TOGARAM1: variants seen among roughly 807,000 people sequenced by gnomAD.
The protein encoded by TOGARAM1 is TOG array regulator of axonemal microtubules 1.
A neutral mutation model predicts 166.6 loss-of-function variants in TOGARAM1; 100 were observed. The ratio of observed to expected loss-of-function variants is 0.60; its 90% confidence interval spans 0.51 to 0.71. The LOEUF (loss-of-function observed/expected upper bound fraction) is 0.71, where lower values mean the gene tolerates loss of function less well. Ranked by LOEUF, TOGARAM1 falls within the 30% of genes least tolerant of loss-of-function variation. The pLI is 0.00. For synonymous variants in TOGARAM1, 758 were observed against 763.8 expected, an observed-to-expected ratio of 0.99 and a Z score of 0.13; for missense variants, 2,029 against 2,102.7, an observed-to-expected ratio of 0.96 and a Z score of 0.69.
rs1387808505 is a variant in TOGARAM1 at position 44,981,954 on chromosome 14, C to A, written c.2047-13792C>A. Among the ~76,000 whole-genome samples, 4 of 150,748 alleles carry A rather than the reference C, an allele frequency of 2.7e-5. No homozygotes were observed. In the Admixed American group the frequency reaches 2.7e-4, roughly 10 times the overall value. On this transcript the variant is annotated intron_variant, in intron 1 of 19. Transcript: ENST00000361462. Reference sequence around the variant, plus strand: ...CACCTCTCAGGTTCAAGTGATTCTCCTACCTAGCCTCCTGAATAGCTGGGA... The same window carrying A: ...CACCTCTCAGGTTCAAGTGATTCTCATACCTAGCCTCCTGAATAGCTGGGA...
intron 16 of TOGARAM1, among the ~76,000 whole-genome samples, chr14:45,065,576 T>C (rs896549359): frequency 1.3e-5 from 2 of 152,154 alleles, no homozygotes; most frequent in African/African-American, 4.8e-5. Flanking sequence ...CCACGAAAAA[T>C]ATTATGCTAT....
intron 3 of TOGARAM1, among the ~76,000 whole-genome samples, chr14:45,000,110 T>A (rs1390719487): frequency 6.6e-6 from 1 of 152,116 alleles, no homozygotes; most frequent in Non-Finnish European, 1.5e-5. Context: ...GCAATTCTCC[T>A]GTCTCAGCCT....
intron 5 of TOGARAM1, 58 bp from the exon 6 acceptor site, chr14:45,008,855 A>C: frequency 7.1e-7 from 1 of 1,405,408 alleles, no homozygotes; most frequent in South Asian, 1.4e-5. Context: ...TTTAAGGATA[A>C]CTTTTACCAA....
chr14:45,032,253 A>G lies in TOGARAM1; in HGVS notation c.3689A>G (p.Tyr1230Cys). 1 of 1,614,008 alleles carries G rather than the reference A, an allele frequency of 6.2e-7. No homozygotes were observed. The highest frequency in any genetic ancestry group is 8.5e-7 in the Non-Finnish European group (1 of 1,179,912). ...SETPTGAISQ[Y>C]KERMPSVTHS... ...ACACCTACTGGAGCTATTTCACAGTATAAAGAAAGGATGCCTTCTGTCACT... is the reference window on the plus strand; with the variant it reads ...ACACCTACTGGAGCTATTTCACAGTGTAAAGAAAGGATGCCTTCTGTCACT... The change falls in exon 11 of 20, where the codon TAT becomes TGT. Residue 1230 changes from tyrosine (Y) to cysteine (C), a missense_variant. This residue lies in a region of TOGARAM1 where 576 missense variants were observed against 670.5 expected (regional missense o/e 0.86). Transcript: ENST00000361462.
At chr14:45,007,133 G>A (rs1879496122) in intron 5 of TOGARAM1, 1 of 151,932 alleles carries the variant, frequency 6.6e-6, no homozygotes, top group South Asian at 2.1e-4. Context: ...TATGGTCTTA[G>A]TCTGTTTTTA....
intron 11 of TOGARAM1, among the ~76,000 whole-genome samples, chr14:45,041,450 A>G (rs1881722998): frequency 6.6e-6 from 1 of 152,190 alleles, no homozygotes; most frequent in South Asian, 2.1e-4. Flanking sequence ...TCAGTTTCTG[A>G]TAGTTTATCC....
Position 44,963,077 on chromosome 14 carries a change from T to C in TOGARAM1, c.656T>C (p.Ile219Thr), listed in dbSNP as rs1426882724. ...RSPGEVLRTL[I>T]QQGLESTDAR... ...CCTGGAGAGGTGCTGAGAACGCTTA[T>C]ACAACAAGGACTGGAAAGTACCGAT... Residue 219 changes from isoleucine to threonine, a missense_variant, in exon 1 of 20, where the codon ATA (isoleucine) becomes ACA (threonine). Coordinates refer to ENST00000361462, the MANE Select transcript of TOGARAM1 (RefSeq NM_001308120.2). 5 of 1,614,088 alleles carry C rather than the reference T, an allele frequency of 3.1e-6. No homozygotes were observed. The highest frequency in any genetic ancestry group is 1.1e-5 in the South Asian group (1 of 91,090).
At chr14:44,994,544 G>A (rs901803172) in intron 1 of TOGARAM1, among the ~76,000 whole-genome samples, 2 of 151,786 alleles carry the variant, frequency 1.3e-5, no homozygotes, top group Non-Finnish European at 2.9e-5. Flanking sequence ...TCAGCCTCCC[G>A]ATTAGTTGGG....
At chr14:44,983,498 C>T (rs1886635766) in intron 1 of TOGARAM1, among the ~76,000 whole-genome samples, 1 of 152,150 alleles carries the variant, frequency 6.6e-6, no homozygotes, top group African/African-American at 2.4e-5. Flanking sequence ...GCCTATATGT[C>T]AAATAAGCTC....
chr14:45,009,891 G>A (rs1005456454), intron 6 of TOGARAM1, among the ~76,000 whole-genome samples: 4 of 152,140 alleles, frequency 2.6e-5, no homozygotes, highest in South Asian at 4.1e-4. Flanking sequence ...AGAATTGATA[G>A]GGCATAGAAT....
At chr14:45,046,351 A>C (rs569437675) in intron 13 of TOGARAM1, among the ~76,000 whole-genome samples, 194 bp from the exon 14 acceptor site, 2 of 152,280 alleles carry the variant, frequency 1.3e-5, no homozygotes, top group South Asian at 4.1e-4. Flanking sequence ...CAGGAGGATC[A>C]CTTGAACCCA....
intron 9 of TOGARAM1, among the ~76,000 whole-genome samples, chr14:45,027,873 A>G (rs1880945243): frequency 6.6e-6 from 1 of 151,240 alleles, no homozygotes; most frequent in Non-Finnish European, 1.5e-5. Flanking sequence ...AACTGTCTCA[A>G]GAAAAAAAAA....
Position 45,068,597 on chromosome 14 carries a change from C to A in TOGARAM1, c.4923C>A (p.Ile1641=). 1 of 1,612,966 alleles carries A rather than the reference C, an allele frequency of 6.2e-7. No individual in the cohort carries two copies. Among genetic ancestry groups the A allele is most frequent in the Non-Finnish European group, 8.5e-7 (1 of 1,179,454 alleles). Residue 1641 remains isoleucine (I), a synonymous_variant, in exon 18 of 20, where the codon ATC becomes ATA. Coordinates refer to ENST00000361462, the MANE Select transcript of TOGARAM1 (RefSeq NM_001308120.2). ...ATCTGAATTCCAAGAATCCAGGCATCTATGCGGCTGCTACAAATGTTGTTC... is the reference window on the plus strand; with the variant it reads ...ATCTGAATTCCAAGAATCCAGGCATATATGCGGCTGCTACAAATGTTGTTC... The part of the protein sequence containing the change: ...DNNLNSKNPG[I]YAAATNVVQA...
rs1282400710 is a variant in TOGARAM1 at position 45,054,549 on chromosome 14, G to T, written c.4559G>T (p.Arg1520Ile). The change falls in exon 16 of 20, where the codon AGA (arginine) becomes ATA (isoleucine). Residue 1520 changes from arginine (R) to isoleucine (I), a missense_variant and splice_region_variant. Transcript: ENST00000361462. ...VSRDAFNSAE[R>I]AVTEVREVTR... is the part of the protein sequence containing the mutation. Reference sequence around the variant, plus strand: ...AGAGATGCTTTCAATTCAGCTGAAAGGTAAGATGATGTAATAGTCCTCATC... The same window carrying T: ...AGAGATGCTTTCAATTCAGCTGAAATGTAAGATGATGTAATAGTCCTCATC... The T allele has an allele frequency of 6.3e-7, 1 of 1,588,646 alleles. No homozygotes were observed. The highest frequency in any genetic ancestry group is 8.6e-7 in the Non-Finnish European group (1 of 1,158,104).
chr14:45,057,854 C>T (rs1882714509), intron 16 of TOGARAM1, among the ~76,000 whole-genome samples: 1 of 152,034 alleles, frequency 6.6e-6, no homozygotes, highest in African/African-American at 2.4e-5. Context: ...TATTATGTGA[C>T]CTAATATATG....
chr14:44,967,509 A>G (rs1885624293), intron 1 of TOGARAM1, among the ~76,000 whole-genome samples: 1 of 152,178 alleles, frequency 6.6e-6, no homozygotes, highest in Non-Finnish European at 1.5e-5. Flanking sequence ...TCTTTTATCT[A>G]TGTAATTATT....
chr14:44,973,275 C>A (rs901381896), intron 1 of TOGARAM1, among the ~76,000 whole-genome samples: 3 of 151,228 alleles, frequency 2.0e-5, no homozygotes, highest in Admixed American at 6.6e-5. Flanking sequence ...TAGTAGTTTC[C>A]CTAGAGTGTG....
intron 1 of TOGARAM1, among the ~76,000 whole-genome samples, chr14:44,969,173 T>TTTCTTTTC (rs544693959): frequency 0.12 from 15,053 of 129,512 alleles, 1,251 homozygotes; most frequent in African/African-American, 0.28. Flanking sequence ...CTTTCTTTTC[T>TTTCTTTTC]TTTTTTTTTT....
At chr14:45,023,799 G>A (rs1880667636) in intron 7 of TOGARAM1, among the ~76,000 whole-genome samples, 1 of 152,012 alleles carries the variant, frequency 6.6e-6, no homozygotes. Flanking sequence ...GTAGTGCAGT[G>A]GTGCAATCTC....
Sources: gnomAD v4.1 joint callset for allele counts (sites outside exome capture counted in the v4.1 genomes callset) on GRCh38, gnomAD v4.1.1 for gene constraint, gnomAD v4.1.1 regional missense constraint, MANE v1.5 for transcripts, NCBI Gene and HGNC (gene_info 2026-07-23, HGNC 2026-07-21) for gene names.